Variants in NHSL3 observed in about 807,000 individuals in gnomAD.
NHSL3 encodes NHS-like protein 3.
the NHSL3 span, chr1:32,770,188 C>T: frequency 0.028 from 44,392 of 1,603,054 alleles, 713 homozygotes; most frequent in Non-Finnish European, 0.031. This position sits in a 1 kb window ranked among gnomAD's most constrained non-coding sequence, Gnocchi z 8.3. Context: ...GCCTGCAGAG[C>T]CCCTGAGCCC....
the NHSL3 span, chr1:32,771,758 C>A: frequency 6.2e-7 from 1 of 1,613,650 alleles, no homozygotes; most frequent in East Asian, 2.2e-5. Flanking sequence ...CAGAAGGAAC[C>A]GGTGGGCTGT....
At chr1:32,772,223 C>T in the NHSL3 span, 1 of 1,608,830 alleles carries the variant, frequency 6.2e-7, no homozygotes, top group Non-Finnish European at 8.5e-7. Flanking sequence ...CCCCAGGCCC[C>T]AAAGAAGTCA....
chr1:32,773,116 G>A, the NHSL3 span: 22 of 585,760 alleles, frequency 3.8e-5, no homozygotes, highest in African/African-American at 3.0e-4. Flanking sequence ...GGCAGTTGCC[G>A]CTTCAGTCTT....
At chr1:32,769,950 C>T in the NHSL3 span, 5 of 1,607,350 alleles carry the variant, frequency 3.1e-6, no homozygotes, top group Non-Finnish European at 4.2e-6. Flanking sequence ...TACGCATCCC[C>T]ACAGTGGACG....
the NHSL3 span, chr1:32,772,473 T>C: frequency 9.3e-6 from 14 of 1,505,896 alleles, no homozygotes; most frequent in Non-Finnish European, 1.1e-5. Flanking sequence ...TGAGGTCCCA[T>C]TGCTGATGAT....
the NHSL3 span, among the ~76,000 whole-genome samples, chr1:32,752,799 G>A: frequency 1.4e-5 from 2 of 147,606 alleles, no homozygotes; most frequent in East Asian, 2.1e-4. Flanking sequence ...GGCTAGTCTC[G>A]AACTCCTGAC....
the NHSL3 span, among the ~76,000 whole-genome samples, chr1:32,756,620 G>A: frequency 7.3e-6 from 1 of 137,036 alleles, no homozygotes. Flanking sequence ...TCGTGCCAGT[G>A]CACTCCAGTC....
At chr1:32,758,421 C>A in the NHSL3 span, among the ~76,000 whole-genome samples, 1 of 152,120 alleles carries the variant, frequency 6.6e-6, no homozygotes, top group Non-Finnish European at 1.5e-5. Flanking sequence ...TGCCTGTAGA[C>A]CTGGAGGTTT....
chr1:32,753,816 C>T, the NHSL3 span, among the ~76,000 whole-genome samples: 1 of 152,184 alleles, frequency 6.6e-6, no homozygotes, highest in Non-Finnish European at 1.5e-5. Flanking sequence ...CTGGCCAGGC[C>T]TTCCCCTGTG....
At chr1:32,772,213 C>T in the NHSL3 span, 5 of 1,609,850 alleles carry the variant, frequency 3.1e-6, 1 homozygote, top group South Asian at 4.4e-5. Flanking sequence ...GCAGCGGCCA[C>T]CCCAGGCCCC....
At chr1:32,762,187 T>G in the NHSL3 span, among the ~76,000 whole-genome samples, 1 of 152,184 alleles carries the variant, frequency 6.6e-6, no homozygotes, top group East Asian at 1.9e-4. Flanking sequence ...GATCTCAGCT[T>G]GTACTTGAGT....
the NHSL3 span, chr1:32,767,844 G>A: frequency 1.2e-6 from 2 of 1,613,856 alleles, no homozygotes; most frequent in Admixed American, 3.3e-5. Context: ...CAGGGGCCAG[G>A]GTCTGCAGTG....
At chr1:32,743,330 T>C in the NHSL3 span, among the ~76,000 whole-genome samples, 10 of 152,116 alleles carry the variant, frequency 6.6e-5, no homozygotes, top group African/African-American at 2.4e-4. Flanking sequence ...AGGAAGAGGG[T>C]GGAAAGCCTC....
chr1:32,771,330 G>T, the NHSL3 span: 1 of 1,594,116 alleles, frequency 6.3e-7, no homozygotes, highest in Middle Eastern at 1.7e-4. Context: ...TGACTCCACT[G>T]CAGGAGTCTC....
chr1:32,767,541 C>CT, the NHSL3 span, among the ~76,000 whole-genome samples: 1 of 151,912 alleles, frequency 6.6e-6, no homozygotes, highest in South Asian at 2.1e-4. Flanking sequence ...ATATGGGGCC[C>CT]TTTGTGTGGT....
the NHSL3 span, among the ~76,000 whole-genome samples, chr1:32,757,638 C>T: frequency 6.6e-6 from 1 of 152,144 alleles, no homozygotes; most frequent in Non-Finnish European, 1.5e-5. Flanking sequence ...TGTCCCTTTA[C>T]ATCAGTTAAT....
chr1:32,769,818 G>T, the NHSL3 span: 1 of 1,611,038 alleles, frequency 6.2e-7, no homozygotes, highest in Non-Finnish European at 8.5e-7. Context: ...CAGTGGTGGG[G>T]TGGGTGGGGA....
At chr1:32,770,203 A>G in the NHSL3 span, 1 of 1,604,706 alleles carries the variant, frequency 6.2e-7, no homozygotes, top group African/African-American at 1.3e-5. The surrounding 1 kb of genome is among the most constrained non-coding windows in gnomAD (Gnocchi z 8.3). Context: ...GAGCCCGGCC[A>G]TGTCCATCTC....
the NHSL3 span, among the ~76,000 whole-genome samples, chr1:32,762,623 C>G: frequency 6.6e-6 from 1 of 151,576 alleles, no homozygotes; most frequent in African/African-American, 2.4e-5. Flanking sequence ...TTTTTTTGCT[C>G]TCTTGCCCAG....
Sources: allele counts gnomAD v4.1 joint callset (sites outside exome capture counted in the v4.1 genomes callset), GRCh38; gene constraint gnomAD v4.1.1; non-coding constraint Gnocchi (gnomAD v3.1); transcripts MANE v1.5; gene names NCBI Gene and HGNC (gene_info 2026-07-23, HGNC 2026-07-21).